AGPAT3: variants seen among roughly 807,000 people sequenced by gnomAD.
AGPAT3 encodes the protein 1-acyl-sn-glycerol-3-phosphate acyltransferase gamma.
In AGPAT3, 5 loss-of-function variants were observed where a neutral mutation model predicts 47.3. The ratio of observed to expected loss-of-function variants is 0.11; its 90% CI spans 0.06 to 0.22. The LOEUF (loss-of-function observed/expected upper bound fraction) is 0.22. AGPAT3 is among the 10% of genes least tolerant of loss of function. The pLI is 1.00. For synonymous variants in AGPAT3, 212 were observed against 208.3 expected, an observed-to-expected ratio of 1.02 and a Z score of -0.15; for missense variants, 315 against 493.0, an observed-to-expected ratio of 0.64 and a Z score of 3.42.
Position 43,930,487 on chromosome 21 carries a change from C to G in AGPAT3, c.-49+26468C>G, listed in dbSNP as rs1277225935. The stretch of plus-strand genomic sequence containing the variant: ...CCCATGGGACCTCGCTGTGGTGTGT[C>G]TCAGCAACATCATCTTTCTTACTGT... On this transcript the variant is annotated intron_variant, in intron 2 of 9. Transcript: ENST00000291572. This position sits in a 1 kb window ranked among gnomAD's most constrained non-coding sequence, Gnocchi z 5.0. Among the ~76,000 whole-genome samples, 1 of 152,134 alleles carries G rather than the reference C, an allele frequency of 6.6e-6. No homozygotes were observed. The highest frequency in any genetic ancestry group is 2.4e-5 in the African/African-American group (1 of 41,428).
chr21:43,873,686 C>T (rs2085673739), intron 1 of AGPAT3, among the ~76,000 whole-genome samples: 1 of 152,194 alleles, frequency 6.6e-6, no homozygotes, highest in African/African-American at 2.4e-5. Context: ...CCCAAGTTGT[C>T]AGTTTCTTGA....
chr21:43,880,573 G>A lies in AGPAT3; in HGVS notation c.-112+15228G>A, dbSNP rs988943136. On this transcript the variant is annotated intron_variant, in intron 1 of 9. Transcript: ENST00000291572. This position sits in a 1 kb window ranked among gnomAD's most constrained non-coding sequence, Gnocchi z 4.5. Reference sequence around the variant, plus strand: ...AGACAGTAGCTACCCTTTTCCCAGTGGTATTGCCACTGAGTGTGGGATGGG... The same window carrying A: ...AGACAGTAGCTACCCTTTTCCCAGTAGTATTGCCACTGAGTGTGGGATGGG... 2.0e-5 allele frequency among the ~76,000 whole-genome samples: 3 copies of A among 152,160 alleles called. No individual in the cohort carries two copies. Among genetic ancestry groups the A allele is most frequent in the Non-Finnish European group, 4.4e-5 (3 of 68,034 alleles).
rs2030169609 is a variant in AGPAT3, at chr21:43,985,351, A to G, written c.*2959A>G. The stretch of plus-strand genomic sequence containing the variant: ...GGTGGAAGAGATGAGCGCTGAACAA[A>G]TCACTAAATAACACAAAACAACAAT... On this transcript the variant is annotated 3_prime_UTR_variant, in exon 10 of 10. Coordinates refer to ENST00000291572, the MANE Select transcript of AGPAT3 (RefSeq NM_020132.5). 1 of 352,890 alleles carries G rather than the reference A, an allele frequency of 2.8e-6. No homozygotes were observed. Among genetic ancestry groups the G allele is most frequent in the Non-Finnish European group, 5.6e-6 (1 of 177,302 alleles). The allele number at this position is 352,890 out of a possible 1,614,324, so 21.9% of individuals were successfully genotyped here. A position where few individuals can be genotyped will look rare whatever the true frequency, so the allele number is the denominator to read the frequency against.
chr21:43,974,793 T>C (rs1276563441), intron 7 of AGPAT3, among the ~76,000 whole-genome samples: 1 of 152,160 alleles, frequency 6.6e-6, no homozygotes. Flanking sequence ...AGTGTGGGCC[T>C]CTGGGCAGGC....
chr21:43,940,151 C>G (rs2087607709), intron 2 of AGPAT3, among the ~76,000 whole-genome samples: 1 of 152,266 alleles, frequency 6.6e-6, no homozygotes, highest in Non-Finnish European at 1.5e-5. Context: ...CCTAATCCCT[C>G]CGCTTGAGCT....
At chr21:43,893,332 A>G (rs146355455) in intron 1 of AGPAT3, among the ~76,000 whole-genome samples, 2 of 152,352 alleles carry the variant, frequency 1.3e-5, no homozygotes, top group Non-Finnish European at 2.9e-5. Flanking sequence ...GAAGAGAGTA[A>G]GGGCCTTGCT....
At chr21:43,950,196 C>T (rs554348643) in intron 2 of AGPAT3, among the ~76,000 whole-genome samples, 1 of 152,356 alleles carries the variant, frequency 6.6e-6, no homozygotes, top group South Asian at 2.1e-4. Context: ...CTGCAGTCTG[C>T]ATGTTGTACA....
intron 2 of AGPAT3, among the ~76,000 whole-genome samples, chr21:43,929,110 TC>T: frequency 6.6e-6 from 1 of 152,276 alleles, no homozygotes; most frequent in Middle Eastern, 3.4e-3. Context: ...CGATAGCCAG[TC>T]CCCTGTGACC....
chr21:43,921,290 G>A (rs773896277), intron 2 of AGPAT3, among the ~76,000 whole-genome samples: 9 of 152,216 alleles, frequency 5.9e-5, no homozygotes, highest in South Asian at 2.1e-4. Context: ...GCTCCTCTCC[G>A]CCCAGCTGTC....
rs1402697327 is a variant in AGPAT3, at chr21:43,954,219, A to G, written c.-48-5415A>G. Among the ~76,000 whole-genome samples the G allele has an allele frequency of 6.6e-6, 1 of 152,110 alleles. No homozygotes were observed. The highest frequency in any genetic ancestry group is 2.4e-5 in the African/African-American group (1 of 41,434). On this transcript the variant is annotated intron_variant, in intron 2 of 9. Coordinates refer to ENST00000291572, the MANE Select transcript of AGPAT3 (RefSeq NM_020132.5). This position sits in a 1 kb window ranked among gnomAD's most constrained non-coding sequence, Gnocchi z 4.0. ...TGTGGCCAAGCAGGGCACCTTCCTC[A>G]CCGTCACCCTTCTGCAGGGAGGGAG... is the stretch of plus-strand genomic sequence containing the variant.
chr21:43,925,592 C>T (rs916134462), intron 2 of AGPAT3: 2 of 152,508 alleles, frequency 1.3e-5, no homozygotes, highest in African/African-American at 4.8e-5. Context: ...ATGCTGTCTC[C>T]AAGTCTGTGC....
chr21:43,901,246 C>T (rs1344704973), intron 1 of AGPAT3, among the ~76,000 whole-genome samples: 7 of 151,006 alleles, frequency 4.6e-5, no homozygotes, highest in Non-Finnish European at 1.0e-4. Context: ...ATCCCTTGAG[C>T]CTGGAGTTCG....
At chr21:43,946,061 A>G (rs1032834479) in intron 2 of AGPAT3, among the ~76,000 whole-genome samples, 10 of 151,870 alleles carry the variant, frequency 6.6e-5, no homozygotes, top group African/African-American at 2.4e-4. Context: ...CCTCTTACCA[A>G]CGATGCCCCG....
intron 1 of AGPAT3, among the ~76,000 whole-genome samples, chr21:43,901,788 C>T (rs1170119385): frequency 6.6e-6 from 1 of 151,830 alleles, no homozygotes; most frequent in South Asian, 2.1e-4. Context: ...GAAAAAAGAC[C>T]CAAATAAATC....
rs753636605 is a variant in AGPAT3 at position 43,937,137 on chromosome 21, G to A, written c.-48-22497G>A. Among the ~76,000 whole-genome samples, 12 of 152,222 alleles carry A rather than the reference G, an allele frequency of 7.9e-5. 1 individual carries two copies. The highest frequency in any genetic ancestry group is 4.4e-5 in the Non-Finnish European group (3 of 68,032). On this transcript the variant is annotated intron_variant, in intron 2 of 9. Transcript: ENST00000291572. ...GGCTGGCACTCCTGGGTGGGGGAAC[G>A]TTGACCCTGTGGCTTCCTGTGGCCC...
chr21:43,971,612 C>T, intron 7 of AGPAT3, 122 bp downstream of exon 7: 4 of 855,116 alleles, frequency 4.7e-6, no homozygotes, highest in Admixed American at 2.2e-5. Flanking sequence ...GGGTGGAACT[C>T]ACACGGAAGG....
In AGPAT3 at chr21:43,970,823, C is replaced by T. The variant is rs2089362840; in HGVS notation, c.664+17C>T. 6.6e-7 allele frequency: 1 copy of T among 1,522,740 alleles called. No individual in the cohort carries two copies. Among genetic ancestry groups the T allele is most frequent in the South Asian group, 1.2e-5 (1 of 80,288 alleles). 94.3% of individuals were successfully genotyped at this position (1,522,740 alleles called of 1,614,324 possible). ...GGGGGACAGGTAGGCCCCAGACTGC[C>T]CGAGCCGGGGCCACCGCTATGCTCA... On this transcript the variant is annotated intron_variant, in intron 6 of 9. Coordinates refer to ENST00000291572, the MANE Select transcript of AGPAT3 (RefSeq NM_020132.5). The surrounding 1 kb of genome is among the most constrained non-coding windows in gnomAD (Gnocchi z 5.8).
intron 1 of AGPAT3, among the ~76,000 whole-genome samples, chr21:43,873,223 C>T (rs2085659903): frequency 6.6e-6 from 1 of 152,068 alleles, no homozygotes; most frequent in Non-Finnish European, 1.5e-5. Context: ...TGCCTGTCTC[C>T]AAATAAAATG....
intron 1 of AGPAT3, among the ~76,000 whole-genome samples, chr21:43,890,733 A>G (rs1210555605): frequency 1.7e-5 from 2 of 116,978 alleles, no homozygotes; most frequent in Admixed American, 9.1e-5. Context: ...TTTTTCATTT[A>G]TTTATTTATT....
Sources: allele counts gnomAD v4.1 joint callset (sites outside exome capture counted in the v4.1 genomes callset), GRCh38; gene constraint gnomAD v4.1.1; non-coding constraint Gnocchi (gnomAD v3.1); transcripts MANE v1.5; gene names NCBI Gene and HGNC (gene_info 2026-07-23, HGNC 2026-07-21).